The following ARHGEF26 variants were observed in gnomAD, a reference collection of about 807,000 sequenced individuals.
The protein encoded by ARHGEF26 is Rho guanine nucleotide exchange factor (GEF) 26.
Under a neutral mutation model 89.4 loss-of-function variants are expected in ARHGEF26, and 59 were observed. The observed-to-expected ratio is 0.66, with a 90% CI of 0.54 to 0.82. The LOEUF (loss-of-function observed/expected upper bound fraction) is 0.82. Among genes scored for constraint, ARHGEF26 ranks in the 40% least tolerant of loss-of-function variants. ARHGEF26 has a pLI of 0.00. For missense variants in ARHGEF26, 1,234 were observed against 1,085.6 expected (o/e 1.14, Z -1.92); for synonymous variants, 500 against 428.4 (o/e 1.17, Z -2.06).
chr3:154,247,835 C>T (rs925210240), intron 12 of ARHGEF26, among the ~76,000 whole-genome samples: 4 of 152,168 alleles, frequency 2.6e-5, no homozygotes, highest in Admixed American at 6.5e-5. Flanking sequence ...ATGACAGGCC[C>T]TAAGTCATGG....
intron 9 of ARHGEF26, 83 bp downstream of exon 9, chr3:154,194,801 G>A: frequency 8.3e-7 from 1 of 1,204,954 alleles, no homozygotes; most frequent in Non-Finnish European, 1.2e-6. Flanking sequence ...GCTTGATGCT[G>A]AAAACTGGTA....
At chr3:154,177,519 G>T (rs1009577980) in intron 6 of ARHGEF26, among the ~76,000 whole-genome samples, 1 of 152,134 alleles carries the variant, frequency 6.6e-6, no homozygotes, top group Admixed American at 6.5e-5. Context: ...TGGGGTGGGG[G>T]ACATGTTGGC....
At position 154,149,458 on chromosome 3, in the gene ARHGEF26, C is replaced by G. The variant is rs765651740; in HGVS notation, c.1326+13C>G. The G allele has an allele frequency of 2.5e-6, 4 of 1,600,954 alleles. No individual in the cohort carries two copies. Among genetic ancestry groups the G allele is most frequent in the Non-Finnish European group, 3.4e-6 (4 of 1,173,030 alleles). On this transcript the variant is annotated intron_variant, in intron 5 of 14. Coordinates refer to ENST00000465093, the MANE Select transcript of ARHGEF26 (RefSeq NM_015595.4). Reference sequence around the variant, plus strand: ...AAAGAGACAAGAGGTATGTTTCTACCGAGCAGCTGCTTTAGAGCTCTGGAG... The same window carrying G: ...AAAGAGACAAGAGGTATGTTTCTACGGAGCAGCTGCTTTAGAGCTCTGGAG...
At chr3:154,228,333 C>T (rs1388151096) in intron 11 of ARHGEF26, among the ~76,000 whole-genome samples, 1 of 151,654 alleles carries the variant, frequency 6.6e-6, no homozygotes, top group Admixed American at 6.6e-5. Flanking sequence ...GATGGGGTTT[C>T]TCCATGTTTG....
intron 6 of ARHGEF26, among the ~76,000 whole-genome samples, chr3:154,175,241 A>G (rs1712732939): frequency 6.6e-6 from 1 of 152,152 alleles, no homozygotes; most frequent in South Asian, 2.1e-4. Context: ...TCCTAAATCA[A>G]AGTGTTTAAG....
At chr3:154,145,724 A>T (rs1251252854) in intron 4 of ARHGEF26, among the ~76,000 whole-genome samples, 4 of 152,156 alleles carry the variant, frequency 2.6e-5, no homozygotes, top group African/African-American at 9.7e-5. Flanking sequence ...ACAGAAAATG[A>T]TTATCTGATC....
intron 12 of ARHGEF26, among the ~76,000 whole-genome samples, chr3:154,242,131 A>G (rs1717513269): frequency 6.6e-6 from 1 of 152,272 alleles, no homozygotes; most frequent in South Asian, 2.1e-4. Flanking sequence ...CAGGTTGGTG[A>G]AAGCTGTAGC....
intron 9 of ARHGEF26, among the ~76,000 whole-genome samples, chr3:154,208,497 A>G (rs1203101944): frequency 6.6e-6 from 1 of 152,066 alleles, no homozygotes; most frequent in Non-Finnish European, 1.5e-5. Flanking sequence ...AGGTTTGGGA[A>G]GTTCTCTGTT....
rs543038964 is a variant in ARHGEF26 at position 154,253,630 on chromosome 3, AAAAG to A, written c.2368+451_2368+454del. On this transcript the variant is annotated intron_variant, in intron 13 of 14. Coordinates refer to ENST00000465093, the MANE Select transcript of ARHGEF26 (RefSeq NM_015595.4). ...TTAAGCTGAAAAGTATTTTTAATCT[AAAAG>A]AAAATTACCTAAGAATTCTTTTTGA... Among the ~76,000 whole-genome samples, 344 of 152,342 alleles carry A rather than the reference AAAAG, an allele frequency of 2.3e-3. 3 individuals carry two copies. Among genetic ancestry groups the A allele is most frequent in the African/African-American group, 8.0e-3 (333 of 41,576 alleles).
chr3:154,228,583 A>G (rs1716637865), intron 11 of ARHGEF26, among the ~76,000 whole-genome samples: 4 of 151,216 alleles, frequency 2.6e-5, no homozygotes. Flanking sequence ...AGTTCATTAT[A>G]TTTCTAGGGT....
intron 11 of ARHGEF26, among the ~76,000 whole-genome samples, chr3:154,227,543 A>C (rs1047482150): frequency 6.6e-6 from 1 of 152,206 alleles, no homozygotes; most frequent in Admixed American, 6.5e-5. Context: ...AGCTTCCTAA[A>C]GTGCTGGGAT....
chr3:154,210,407 C>T (rs1165751902), intron 9 of ARHGEF26, among the ~76,000 whole-genome samples: 1 of 152,006 alleles, frequency 6.6e-6, no homozygotes, highest in African/African-American at 2.4e-5. Context: ...GCAGCAGGTT[C>T]CCTTCTGGCG....
chr3:154,153,179 C>T (rs908465920), intron 6 of ARHGEF26, among the ~76,000 whole-genome samples: 9 of 152,160 alleles, frequency 5.9e-5, no homozygotes, highest in Non-Finnish European at 4.4e-5. Flanking sequence ...ACTTTGCTTG[C>T]TCTTTACTTC....
chr3:154,165,355 TAA>T (rs1711949230), intron 6 of ARHGEF26, among the ~76,000 whole-genome samples: 1 of 152,192 alleles, frequency 6.6e-6, no homozygotes, highest in African/African-American at 2.4e-5. Context: ...ATCATTTTAT[TAA>T]TATTTCAGAG....
At chr3:154,144,909 TTTA>T (rs550260745) in intron 4 of ARHGEF26, among the ~76,000 whole-genome samples, 3 of 152,222 alleles carry the variant, frequency 2.0e-5, no homozygotes, top group Non-Finnish European at 2.9e-5. Context: ...AGCATATGAT[TTTA>T]TGATATGTGC....
rs960403663 is a variant in ARHGEF26, at chr3:154,123,217, C to A, written c.1083+142C>A. ...TTTGCTCTTGATTGCTAGTGTACAT[C>A]CAGCTCTTGGCCACTTTGATGCTGG... On this transcript the variant is annotated intron_variant, in intron 2 of 14. Transcript: ENST00000465093. 18 of 1,288,106 alleles carry A rather than the reference C, an allele frequency of 1.4e-5. No homozygotes were observed. The Middle Eastern group carries it at 6.8e-4, about 49-fold the overall frequency. 79.8% of individuals were successfully genotyped at this position (1,288,106 alleles called of 1,614,324 possible).
rs149423082 is a variant in ARHGEF26 at position 154,246,353 on chromosome 3, G to A, written c.2300+5774G>A. 7.0e-4 allele frequency among the ~76,000 whole-genome samples: 107 copies of A among 152,304 alleles called. 1 individual carries two copies. In the East Asian group the frequency reaches 0.017, roughly 24 times the overall value. On this transcript the variant is annotated intron_variant, in intron 12 of 14. Coordinates refer to ENST00000465093, the MANE Select transcript of ARHGEF26 (RefSeq NM_015595.4). ...GGAGCAGAATAAACCAGGGAGAGGG[G>A]TGGCAGTCAATGGGCAACAAAGTCC...
intron 4 of ARHGEF26, among the ~76,000 whole-genome samples, chr3:154,148,419 A>G (rs1381337703): frequency 2.0e-5 from 3 of 152,198 alleles, no homozygotes. Context: ...TGTCAAAACT[A>G]CCTTCTCTTT....
At chr3:154,134,166 A>C (rs1718858230) in intron 4 of ARHGEF26, among the ~76,000 whole-genome samples, 3 of 152,074 alleles carry the variant, frequency 2.0e-5, no homozygotes, top group Non-Finnish European at 2.9e-5. Flanking sequence ...TTTCTTTCTT[A>C]CTATTTGAAT....
Sources: allele counts gnomAD v4.1 joint callset (sites outside exome capture counted in the v4.1 genomes callset), GRCh38; gene constraint gnomAD v4.1.1; transcripts MANE v1.5; gene names NCBI Gene and HGNC (gene_info 2026-07-23, HGNC 2026-07-21).